The following DPP6 variants were observed in gnomAD, a reference collection of about 807,000 sequenced individuals.
DPP6 encodes A-type potassium channel modulatory protein DPP6.
Under a neutral mutation model 122.6 loss-of-function variants are expected in DPP6, and 69 were observed. The ratio of observed to expected loss-of-function variants is 0.56; its 90% CI spans 0.46 to 0.69. The LOEUF is 0.69. DPP6 is among the 30% of genes least tolerant of loss of function. DPP6 has a pLI of 0.00. For synonymous variants in DPP6, 418 were observed against 433.1 expected, an observed-to-expected ratio of 0.97 and a Z score of 0.43; for missense variants, 928 against 1,116.9, an observed-to-expected ratio of 0.83 and a Z score of 2.41.
At chr7:154,155,095 G>A (rs934618750) in intron 1 of DPP6, among the ~76,000 whole-genome samples, 2 of 152,060 alleles carry the variant, frequency 1.3e-5, no homozygotes, top group African/African-American at 2.4e-5. Context: ...TCCTAGGGTC[G>A]CAATACCATT....
chr7:154,568,995 A>G (rs142531291), intron 5 of DPP6, among the ~76,000 whole-genome samples: 10 of 152,328 alleles, frequency 6.6e-5, no homozygotes, highest in African/African-American at 2.4e-4. Flanking sequence ...AAGGGAAATT[A>G]TAACCTATAG....
At chr7:154,659,938 A>G (rs1837509392) in intron 6 of DPP6, among the ~76,000 whole-genome samples, 1 of 152,240 alleles carries the variant, frequency 6.6e-6, no homozygotes, top group African/African-American at 2.4e-5. Flanking sequence ...GAGGGTAGCT[A>G]TTGTCCCCAT....
At chr7:154,804,710 G>T (rs1377110925) in intron 14 of DPP6, among the ~76,000 whole-genome samples, 1 of 152,220 alleles carries the variant, frequency 6.6e-6, no homozygotes, top group Non-Finnish European at 1.5e-5. Flanking sequence ...GGAGCCAGTG[G>T]AATCTGCACT....
upstream of DPP6, among the ~76,000 whole-genome samples, chr7:153,884,304 TC>T: frequency 6.6e-6 from 1 of 152,356 alleles, no homozygotes; most frequent in South Asian, 2.1e-4. Context: ...AATGATGGTT[TC>T]CAGCTTCATC....
chr7:154,043,262 G>A (rs553433628), intron 1 of DPP6, among the ~76,000 whole-genome samples: 6 of 151,660 alleles, frequency 4.0e-5, no homozygotes, highest in South Asian at 2.1e-4. Flanking sequence ...CTCTGGTGGC[G>A]CATGCCTGTA....
At chr7:154,558,998 A>G (rs751984445) in intron 4 of DPP6, among the ~76,000 whole-genome samples, 1 of 152,166 alleles carries the variant, frequency 6.6e-6, no homozygotes. Flanking sequence ...TAAAAATAAA[A>G]CATGATATAT....
Position 154,769,554 on chromosome 7 carries a change from C to G in DPP6, c.1021C>G (p.Pro341Ala), listed in dbSNP as rs748899852. 22 of 1,605,502 alleles carry G rather than the reference C, an allele frequency of 1.4e-5. No individual in the cohort carries two copies. The highest frequency in any genetic ancestry group is 1.8e-5 in the Non-Finnish European group (21 of 1,174,546). The change falls in exon 9 of 26, where the codon CCC becomes GCC. Residue 341 changes from proline to alanine, a missense_variant. Coordinates refer to ENST00000377770, the MANE Select transcript of DPP6 (RefSeq NM_130797.4). ...YTGSIYPTVK[P>A]YHYPKAGSEN... ...CGGCTCCATCTACCCCACCGTGAAG[C>G]CCTACCACTATCCCAAGGTAGGCAA...
intron 1 of DPP6, among the ~76,000 whole-genome samples, chr7:153,957,026 C>T (rs182305731): frequency 1.4e-3 from 201 of 147,150 alleles, no homozygotes; most frequent in Admixed American, 1.8e-3. Flanking sequence ...AAGAAGACTT[C>T]GGAAAAGTGT....
rs1823537403 is a variant in DPP6 at position 154,483,751 on chromosome 7, G to A, written c.457+8714G>A. On this transcript the variant is annotated intron_variant, in intron 3 of 25. Transcript: ENST00000377770. This position sits in a 1 kb window ranked among gnomAD's most constrained non-coding sequence, Gnocchi z 8.1. The stretch of plus-strand genomic sequence containing the variant: ...GCTCTGTCGCCCAGGCTGGAGTGCA[G>A]TGGCACAATCTTGGCTCACTGCAAC... Among the ~76,000 whole-genome samples, 1 of 152,232 alleles carries A rather than the reference G, an allele frequency of 6.6e-6. No homozygotes were observed. The highest frequency in any genetic ancestry group is 2.1e-4 in the South Asian group (1 of 4,828).
intron 1 of DPP6, among the ~76,000 whole-genome samples, chr7:154,257,249 A>T (rs28582522): frequency 1.5e-4 from 22 of 151,712 alleles, no homozygotes; most frequent in African/African-American, 5.3e-4. Flanking sequence ...TGGGTTCTTT[A>T]GCAGAATTCC....
the DPP6 span, among the ~76,000 whole-genome samples, chr7:153,828,310 G>A: frequency 3.0e-4 from 46 of 152,242 alleles, no homozygotes; most frequent in South Asian, 6.8e-3. Context: ...TGGTGGGGAC[G>A]CAGTTCCATG....
intron 1 of DPP6, among the ~76,000 whole-genome samples, chr7:154,102,430 C>T (rs1158131369): frequency 6.6e-6 from 1 of 152,086 alleles, no homozygotes; most frequent in Admixed American, 6.5e-5. Flanking sequence ...CTCAGGTAAT[C>T]CGCCCGCCTC....
chr7:153,754,101 T>G, the DPP6 span, among the ~76,000 whole-genome samples: 1 of 152,212 alleles, frequency 6.6e-6, no homozygotes, highest in Admixed American at 6.5e-5. Context: ...ATAGCCTTCT[T>G]ACCTTCTACT....
intron 1 of DPP6, among the ~76,000 whole-genome samples, chr7:153,950,270 G>A (rs1802147078): frequency 6.6e-6 from 1 of 152,146 alleles, no homozygotes; most frequent in African/African-American, 2.4e-5. Context: ...ATGGTAGGAA[G>A]GGAGTCCAGG....
At chr7:154,438,424 A>G (rs973630382) in intron 1 of DPP6, among the ~76,000 whole-genome samples, 1 of 139,474 alleles carries the variant, frequency 7.2e-6, no homozygotes, top group Non-Finnish European at 1.5e-5. Flanking sequence ...GAGTCGAGAT[A>G]GCACCACTGC....
intron 1 of DPP6, among the ~76,000 whole-genome samples, chr7:154,119,181 A>C (rs536911003): frequency 6.6e-6 from 1 of 152,276 alleles, no homozygotes; most frequent in African/African-American, 2.4e-5. Context: ...TCCGAGCTAG[A>C]GCTGGCCACA....
chr7:154,640,266 C>CAAA (rs949857910), intron 6 of DPP6, among the ~76,000 whole-genome samples: 4 of 151,904 alleles, frequency 2.6e-5, no homozygotes, highest in Middle Eastern at 3.4e-3. Context: ...AAAACAAAAA[C>CAAA]AACAATTGGG....
At chr7:154,201,422 C>G (rs1391534122) in intron 1 of DPP6, among the ~76,000 whole-genome samples, 1 of 152,176 alleles carries the variant, frequency 6.6e-6, no homozygotes, top group Non-Finnish European at 1.5e-5. Context: ...AGCCACCACG[C>G]CTGACCAGGA....
intron 21 of DPP6, among the ~76,000 whole-genome samples, chr7:154,882,405 C>T (rs1351836556): frequency 4.6e-5 from 7 of 152,240 alleles, no homozygotes; most frequent in Non-Finnish European, 1.0e-4. Context: ...TTTGTTTTAA[C>T]AAGCCTTAGA....
Sources: allele counts gnomAD v4.1 joint callset (sites outside exome capture counted in the v4.1 genomes callset), GRCh38; gene constraint gnomAD v4.1.1; non-coding constraint Gnocchi (gnomAD v3.1); transcripts MANE v1.5; gene names NCBI Gene and HGNC (gene_info 2026-07-23, HGNC 2026-07-21).